The following THAP9 variants were observed in gnomAD, a reference collection of about 807,000 sequenced individuals.
The protein encoded by THAP9 is DNA transposase THAP9.
THAP9 carries 20 observed loss-of-function variants against 35.7 expected under a neutral mutation model. The ratio of observed to expected loss-of-function variants is 0.56; its 90% CI spans 0.39 to 0.81. The LOEUF is 0.81. Ranked by LOEUF, THAP9 falls within the 40% of genes least tolerant of loss-of-function variation. The pLI, the probability that THAP9 is intolerant of heterozygous loss-of-function variation, is 0.00. For synonymous variants in THAP9, 335 were observed against 373.7 expected, an observed-to-expected ratio of 0.90 and a Z score of 1.19; for missense variants, 870 against 1,047.4, an observed-to-expected ratio of 0.83 and a Z score of 2.34.
At chr4:82,902,105 CTTTT>C (rs768693634) in intron 1 of THAP9, among the ~76,000 whole-genome samples, 50 of 104,482 alleles carry the variant, frequency 4.8e-4, no homozygotes, top group Admixed American at 3.3e-3. Flanking sequence ...CATTTTCCTT[CTTTT>C]TTTTTTTTTT....
At chr4:82,911,278 A>G (rs996881164) in intron 4 of THAP9, among the ~76,000 whole-genome samples, 1 of 142,682 alleles carries the variant, frequency 7.0e-6, no homozygotes, top group Non-Finnish European at 1.6e-5. Context: ...TAGTAGGAAA[A>G]TGAGTTTTGT....
chr4:82,906,731 G>A, intron 3 of THAP9, 104 bp downstream of exon 3: 1 of 1,163,480 alleles, frequency 8.6e-7, no homozygotes, highest in Non-Finnish European at 1.2e-6. Context: ...GCTTTCAGTT[G>A]GGAAGTGAAA....
rs569093130 is a variant in THAP9 at position 82,900,935 on chromosome 4, G to A, written c.80+53G>A. ...TCGAACTCCCTGCGGGGCCCGGCGG[G>A]CCGTGGCGTGGCGTGGGGCGGGGCC... is the stretch of plus-strand genomic sequence containing the variant. On this transcript the variant is annotated intron_variant, in intron 1 of 4. Transcript: ENST00000302236. The A allele has an allele frequency of 3.1e-4, 493 of 1,603,854 alleles. No individual in the cohort carries two copies. The East Asian group carries it at 3.3e-3, about 11-fold the overall frequency.
intron 2 of THAP9, 148 bp from the exon 3 acceptor site, chr4:82,906,176 C>T: frequency 3.2e-6 from 2 of 626,542 alleles, no homozygotes; most frequent in South Asian, 2.3e-5. Context: ...ATAAACTATA[C>T]ATTAAAACAT....
At chr4:82,904,601 AAATT>A (rs1320746490) in intron 1 of THAP9, 131 bp from the exon 2 acceptor site, 1 of 805,200 alleles carries the variant, frequency 1.2e-6, no homozygotes, top group African/African-American at 1.7e-5. Context: ...TGAACTAAGT[AAATT>A]AAACTTTTAA....
chr4:82,908,067 GTACTCA>G (rs1720726308), intron 4 of THAP9, 132 bp downstream of exon 4: 2 of 909,212 alleles, frequency 2.2e-6, no homozygotes, highest in Non-Finnish European at 3.2e-6. Context: ...AAGGCTATTA[GTACTCA>G]TACTCCCATT....
At chr4:82,906,185 A>G in intron 2 of THAP9, 139 bp from the exon 3 acceptor site, 1 of 695,156 alleles carries the variant, frequency 1.4e-6, no homozygotes, top group Admixed American at 3.2e-5. Flanking sequence ...ACATTAAAAC[A>G]TTCAGAGATT....
intron 2 of THAP9, 155 bp downstream of exon 2, chr4:82,905,086 T>TTA: frequency 1.7e-6 from 1 of 588,776 alleles, no homozygotes; most frequent in Non-Finnish European, 2.9e-6. Context: ...AAAAAAAAAA[T>TTA]TATATATATT....
At chr4:82,911,795 G>A (rs1243879999) in intron 4 of THAP9, among the ~76,000 whole-genome samples, 1 of 152,114 alleles carries the variant, frequency 6.6e-6, no homozygotes, top group African/African-American at 2.4e-5. Context: ...ATTAGATTTG[G>A]GAAGAAAGGA....
In THAP9 at chr4:82,919,056, C is replaced by A; in HGVS notation, c.*132C>A. On this transcript the variant is annotated 3_prime_UTR_variant, in exon 5 of 5. Coordinates refer to ENST00000302236, the MANE Select transcript of THAP9 (RefSeq NM_024672.6). ...TTGCAATTCTGACTTATTAAAATTT[C>A]AAATTCTGCATATCACAAAATCTCC... 2.8e-6 allele frequency: 2 copies of A among 701,868 alleles called. No homozygotes were observed. Among genetic ancestry groups the A allele is most frequent in the South Asian group, 2.3e-5 (1 of 43,146 alleles). The allele number at this position is 701,868 out of a possible 1,614,324, so 43.5% of individuals were successfully genotyped here. A position where few individuals can be genotyped will look rare whatever the true frequency, so the allele number is the denominator to read the frequency against.
chr4:82,904,985 A>G (rs1429726504), intron 2 of THAP9, 54 bp downstream of exon 2: 6 of 1,552,434 alleles, frequency 3.9e-6, no homozygotes, highest in Non-Finnish European at 4.4e-6. Context: ...AGCCTTTAAA[A>G]ATCAAGATAG....
At chr4:82,910,307 T>C (rs1269546714) in intron 4 of THAP9, 1 of 152,300 alleles carries the variant, frequency 6.6e-6, no homozygotes, top group Admixed American at 6.6e-5. Flanking sequence ...TAGTAATATA[T>C]GTTTGTTATA....
In THAP9 at chr4:82,917,604, A is replaced by T; in HGVS notation, c.1392A>T (p.Thr464=). ...CAAATATGGAAAGAATACCAAGTAC[A>T]CTTGCAAATTTGAAAAATCATGTAC... ...ELSNMERIPS[T]LANLKNHVLK... The change falls in exon 5 of 5, where the codon ACA becomes ACT. Residue 464 remains threonine (T), a synonymous_variant. Coordinates refer to ENST00000302236, the MANE Select transcript of THAP9 (RefSeq NM_024672.6). 6.2e-7 allele frequency: 1 copy of T among 1,614,132 alleles called. No individual in the cohort carries two copies. The highest frequency in any genetic ancestry group is 8.5e-7 in the Non-Finnish European group (1 of 1,179,986).
At chr4:82,912,477 G>C (rs1720896895) in intron 4 of THAP9, among the ~76,000 whole-genome samples, 1 of 152,140 alleles carries the variant, frequency 6.6e-6, no homozygotes, top group African/African-American at 2.4e-5. Flanking sequence ...CAGAATTTTA[G>C]GCCACCCAAG....
chr4:82,907,970 C>T, intron 4 of THAP9, 35 bp downstream of exon 4: 4 of 1,591,492 alleles, frequency 2.5e-6, no homozygotes, highest in Non-Finnish European at 2.6e-6. Flanking sequence ...TTAAAAGTGA[C>T]TTTCTTGTCA....
intron 4 of THAP9, chr4:82,913,446 T>C (rs1720933021): frequency 6.6e-6 from 1 of 152,352 alleles, no homozygotes; most frequent in East Asian, 1.9e-4. Flanking sequence ...AGAATCCTAA[T>C]GTAAAAAAAA....
Position 82,904,609 on chromosome 4 carries a change from C to A in THAP9, c.81-127C>A. The A allele has an allele frequency of 8.2e-6, 7 of 854,552 alleles. No individual in the cohort carries two copies. The South Asian group carries it at 9.7e-5, about 12-fold the overall frequency. The allele number at this position is 854,552 out of a possible 1,614,324, so 52.9% of individuals were successfully genotyped here. ...TGAAAAATGAACTAAGTAAATTAAACTTTTAATTCACTTGGCTTTATGTTT... is the reference window on the plus strand; with the variant it reads ...TGAAAAATGAACTAAGTAAATTAAAATTTTAATTCACTTGGCTTTATGTTT... On this transcript the variant is annotated intron_variant, in intron 1 of 4. Coordinates refer to ENST00000302236, the MANE Select transcript of THAP9 (RefSeq NM_024672.6).
chr4:82,903,948 C>T (rs1403399518), intron 1 of THAP9, among the ~76,000 whole-genome samples: 2 of 152,116 alleles, frequency 1.3e-5, no homozygotes, highest in African/African-American at 2.4e-5. Context: ...AAGCTTGTTC[C>T]TTTATGACGT....
Position 82,900,792 on chromosome 4 carries a change from G to C in THAP9, c.-11G>C. 1 of 1,613,630 alleles carries C rather than the reference G, an allele frequency of 6.2e-7. No homozygotes were observed. Among genetic ancestry groups the C allele is most frequent in the Non-Finnish European group, 8.5e-7 (1 of 1,179,996 alleles). On this transcript the variant is annotated 5_prime_UTR_variant, in exon 1 of 5. Transcript: ENST00000302236. ...GGGAACCCCGAAGGTGGGGCCCCAC[G>C]TAACAAGAAGATGACCCGAAGTTGC...
Sources: allele counts gnomAD v4.1 joint callset (sites outside exome capture counted in the v4.1 genomes callset), GRCh38; gene constraint gnomAD v4.1.1; transcripts MANE v1.5; gene names NCBI Gene and HGNC (gene_info 2026-07-23, HGNC 2026-07-21).